KMT2B: variants seen among roughly 807,000 people sequenced by gnomAD.
KMT2B encodes histone-lysine N-methyltransferase 2B.
In KMT2B, 22 loss-of-function variants were observed where a neutral mutation model predicts 255.3. That is an observed-to-expected ratio of 0.09 (90% CI 0.06 to 0.12). The LOEUF (loss-of-function observed/expected upper bound fraction) is 0.12, where lower values mean the gene tolerates loss of function less well. Ranked by LOEUF, KMT2B falls within the 10% of genes least tolerant of loss-of-function variation. The pLI is 1.00. For missense variants in KMT2B, 3,149 were observed against 3,737.0 expected, an observed-to-expected ratio of 0.84 and a Z score of 4.10; for synonymous variants, 1,730 against 1,498.1, an observed-to-expected ratio of 1.15 and a Z score of -3.57.
At chr19:35,728,276 G>C (rs925221323) in intron 19 of KMT2B, 105 bp downstream of exon 19, 10 of 1,015,078 alleles carry the variant, frequency 9.9e-6, no homozygotes, top group Middle Eastern at 3.0e-4. Flanking sequence ...GTAGGGTCTG[G>C]AGCAGAGCTG....
intron 26 of KMT2B, among the ~76,000 whole-genome samples, chr19:35,731,618 C>G (rs1204568043): frequency 6.6e-6 from 1 of 152,090 alleles, no homozygotes; most frequent in African/African-American, 2.4e-5. Flanking sequence ...GTAGGACTGG[C>G]CGTGCTGGAG....
chr19:35,736,644 A>G, intron 30 of KMT2B, 46 bp from the exon 31 acceptor site: 1 of 1,604,388 alleles, frequency 6.2e-7, no homozygotes, highest in South Asian at 1.1e-5. Flanking sequence ...GGGGCTTTTG[A>G]GTCCGGGAAG....
intron 9 of KMT2B, 125 bp from the exon 10 acceptor site, chr19:35,724,864 G>T (rs1333547159): frequency 3.9e-6 from 4 of 1,034,704 alleles, no homozygotes; most frequent in East Asian, 2.7e-5. Context: ...GGCCTTGCCT[G>T]TCTGGAAAGC....
rs761598310 is a variant in KMT2B, at chr19:35,727,687, C to T, written c.4303-11C>T. 1 of 1,613,586 alleles carries T rather than the reference C, an allele frequency of 6.2e-7. No individual in the cohort carries two copies. Among genetic ancestry groups the T allele is most frequent in the Non-Finnish European group, 8.5e-7 (1 of 1,179,880 alleles). ...CCCACCCCCAGCCCTGCTAACTTCCCCGCTTTGCAGTGTGGGCCAGATGGG... is the reference window on the plus strand; with the variant it reads ...CCCACCCCCAGCCCTGCTAACTTCCTCGCTTTGCAGTGTGGGCCAGATGGG... On this transcript the variant is annotated splice_polypyrimidine_tract_variant and intron_variant, in intron 16 of 36. Transcript: ENST00000420124. This position sits in a 1 kb window ranked among gnomAD's most constrained non-coding sequence, Gnocchi z 4.2.
chr19:35,720,364 C>T lies in KMT2B; in HGVS notation c.1017C>T (p.Val339=), dbSNP rs192390858. 2.5e-6 allele frequency: 4 copies of T among 1,602,150 alleles called. No individual in the cohort carries two copies. The highest frequency in any genetic ancestry group is 3.4e-6 in the Non-Finnish European group (4 of 1,174,304). Residue 339 remains valine (V), a synonymous_variant, in exon 3 of 37, where the codon GTC becomes GTT. Coordinates refer to ENST00000420124, the MANE Select transcript of KMT2B (RefSeq NM_014727.3). ...AACATGAGGAAAGTTGGCAGGATGT[C>T]CCCCAAAGAAGAGTTGGATCTGGAC... is the stretch of plus-strand genomic sequence containing the variant. ...QGQHEESWQD[V]PQRRVGSGQG... is the part of the protein sequence containing the mutation.
intron 13 of KMT2B, 111 bp from the exon 14 acceptor site, chr19:35,726,125 G>T (rs1969430408): frequency 1.3e-6 from 1 of 783,068 alleles, no homozygotes; most frequent in Admixed American, 2.0e-5. Context: ...CCTCTTACCT[G>T]TCCCTCCTTG....
chr19:35,719,787 G>A lies in KMT2B; in HGVS notation c.440G>A (p.Arg147Gln), dbSNP rs754616271. The A allele has an allele frequency of 1.9e-6, 3 of 1,586,922 alleles. No homozygotes were observed. Among genetic ancestry groups the A allele is most frequent in the Non-Finnish European group, 2.6e-6 (3 of 1,167,592 alleles). The stretch of plus-strand genomic sequence containing the variant: ...CCCACAACTATTCTCCTTTTAGGTC[G>A]AGCGCCCCGAGGTCGGGGTCGCAAG... ...LRSALRSQRGRAPRGRGRKHK... is the reference protein window; with the variant it reads ...LRSALRSQRGQAPRGRGRKHK... Residue 147 changes from arginine to glutamine, a missense_variant, in exon 3 of 37, where the codon CGA (arginine) becomes CAA (glutamine). Physicochemically the swap from Arg to Gln is conservative, Grantham distance 43. Transcript: ENST00000420124.
At position 35,722,732 on chromosome 19, in the gene KMT2B, C is replaced by T; in HGVS notation, c.2722+14C>T. ...TCGCCACAGAGGGTAGGTGGGGAGA[C>T]TGGACAGCCATGTCAGGTTTGGGGA... On this transcript the variant is annotated intron_variant, in intron 5 of 36. Transcript: ENST00000420124. 6.3e-7 allele frequency: 1 copy of T among 1,576,124 alleles called. No homozygotes were observed. Among genetic ancestry groups the T allele is most frequent in the Non-Finnish European group, 8.6e-7 (1 of 1,161,234 alleles).
rs538294880 is a variant in KMT2B, at chr19:35,726,343, A to G, written c.3993A>G (p.Leu1331=). 8 of 1,610,610 alleles carry G rather than the reference A, an allele frequency of 5.0e-6. No individual in the cohort carries two copies. The highest frequency in any genetic ancestry group is 3.3e-5 in the South Asian group (3 of 91,048). Reference sequence around the variant, plus strand: ...GCCTCTGCCCCAGGTGCACCCAGCTATATGAGAAAGGTGGGGACCGGGCAG... The same window carrying G: ...GCCTCTGCCCCAGGTGCACCCAGCTGTATGAGAAAGGTGGGGACCGGGCAG... ...DYSLCPRCTQ[L]YEKGNYCPIC... Residue 1331 remains leucine, a synonymous_variant, in exon 14 of 37, where the codon CTA becomes CTG. Transcript: ENST00000420124.
intron 2 of KMT2B, 34 bp downstream of exon 2, chr19:35,719,575 C>T: frequency 1.9e-6 from 3 of 1,565,968 alleles, no homozygotes; most frequent in Non-Finnish European, 1.7e-6. Flanking sequence ...TCTTTAGCGT[C>T]ACAGGAATTT....
chr19:35,733,007 C>A lies in KMT2B; in HGVS notation c.6458C>A (p.Thr2153Asn). The change falls in exon 28 of 37, where the codon ACC (threonine) becomes AAC (asparagine). Residue 2153 changes from threonine to asparagine, a missense_variant. By Grantham distance (65) the Thr-to-Asn change is moderately conservative. Around this residue, in one of 18 missense-constraint regions of KMT2B, gnomAD observed 897 missense variants for 825.3 expected, o/e 1.09. Transcript: ENST00000420124. This position sits in a 1 kb window ranked among gnomAD's most constrained non-coding sequence, Gnocchi z 4.3. ...ANGSQPSQGL[T>N]ASPADPTRTF... The stretch of plus-strand genomic sequence containing the variant: ...GGCAGCCAGCCCTCCCAAGGCCTGA[C>A]CGCCAGCCCAGCTGACCCCACCCGC... 1 of 1,596,878 alleles carries A rather than the reference C, an allele frequency of 6.3e-7. No individual in the cohort carries two copies. Among genetic ancestry groups the A allele is most frequent in the Non-Finnish European group, 8.5e-7 (1 of 1,172,342 alleles).
intron 19 of KMT2B, among the ~76,000 whole-genome samples, 154 bp from the exon 20 acceptor site, chr19:35,728,620 G>C (rs907286507): frequency 6.6e-6 from 1 of 152,172 alleles, no homozygotes; most frequent in Admixed American, 6.5e-5. Context: ...GTCCAAGCTG[G>C]CACAAGAGGG....
At chr19:35,731,420 T>C (rs1364014065) in intron 26 of KMT2B, among the ~76,000 whole-genome samples, 1 of 152,054 alleles carries the variant, frequency 6.6e-6, no homozygotes, top group East Asian at 1.9e-4. Context: ...TTATTCCAGG[T>C]TGGAGCATGA....
rs1363353799 is a variant in KMT2B at position 35,736,561 on chromosome 19, A to G, written c.7160-129A>G. On this transcript the variant is annotated intron_variant, in intron 30 of 36. Coordinates refer to ENST00000420124, the MANE Select transcript of KMT2B (RefSeq NM_014727.3). ...GGGTAACTGGAGCAGAAGGAGGGCCATTAGACCCTAGTATCTGTGTCTGCG... is the reference window on the plus strand; with the variant it reads ...GGGTAACTGGAGCAGAAGGAGGGCCGTTAGACCCTAGTATCTGTGTCTGCG... The G allele has an allele frequency of 2.7e-5, 30 of 1,105,538 alleles. No homozygotes were observed. The East Asian group carries it at 6.5e-4, about 24-fold the overall frequency. 68.5% of individuals were successfully genotyped at this position (1,105,538 alleles called of 1,614,324 possible). A position where few individuals can be genotyped will look rare whatever the true frequency, so the allele number is the denominator to read the frequency against.
intron 8 of KMT2B, 47 bp from the exon 9 acceptor site, chr19:35,724,590 G>A (rs1225867094): frequency 5.5e-6 from 8 of 1,455,426 alleles, no homozygotes; most frequent in African/African-American, 4.2e-5. Flanking sequence ...TAGAAGAAGA[G>A]GGGCGTGGAA....
At chr19:35,734,913 G>A (rs1176010177) in intron 30 of KMT2B, among the ~76,000 whole-genome samples, 1 of 152,204 alleles carries the variant, frequency 6.6e-6, no homozygotes, top group Non-Finnish European at 1.5e-5. Context: ...TTAACTCAGA[G>A]GCTGCTTATG....
chr19:35,725,654 G>GT lies in KMT2B; in HGVS notation c.3789+30dup. On this transcript the variant is annotated intron_variant, in intron 12 of 36. Coordinates refer to ENST00000420124, the MANE Select transcript of KMT2B (RefSeq NM_014727.3). The surrounding 1 kb of genome is among the most constrained non-coding windows in gnomAD (Gnocchi z 4.1). ...TGGGCCCAAGGGCTGGCCAGGGTGG[G>GT]TGGAGGCCTGAAGGTGAGGGCATCC... is the stretch of plus-strand genomic sequence containing the variant. The GT allele has an allele frequency of 6.2e-7, 1 of 1,612,540 alleles. No homozygotes were observed. Among genetic ancestry groups the GT allele is most frequent in the Middle Eastern group, 1.6e-4 (1 of 6,062 alleles).
At chr19:35,730,664 T>A (rs1969655520) in intron 25 of KMT2B, 43 bp from the exon 26 acceptor site, 1 of 1,613,842 alleles carries the variant, frequency 6.2e-7, no homozygotes, top group East Asian at 2.2e-5. Flanking sequence ...CATAGCTGGA[T>A]CCCATTTCCC....
chr19:35,721,012 A>G lies in KMT2B; in HGVS notation c.1665A>G (p.Pro555=), dbSNP rs755894161. The G allele has an allele frequency of 6.5e-7, 1 of 1,541,228 alleles. No homozygotes were observed. Among genetic ancestry groups the G allele is most frequent in the South Asian group, 1.1e-5 (1 of 88,046 alleles). Residue 555 remains proline, a synonymous_variant, in exon 3 of 37, where the codon CCA becomes CCG. Transcript: ENST00000420124. Reference sequence around the variant, plus strand: ...TGGATGAAGACCCCCCCAAACCCCCAAAGGTGGAGGTCTCACCTGTCCTGC... The same window carrying G: ...TGGATGAAGACCCCCCCAAACCCCCGAAGGTGGAGGTCTCACCTGTCCTGC... ...RFMDEDPPKP[P]KVEVSPVLRP... is the part of the protein sequence containing the mutation.
Sources: allele counts gnomAD v4.1 joint callset (sites outside exome capture counted in the v4.1 genomes callset), GRCh38; gene constraint gnomAD v4.1.1; regional missense constraint gnomAD v4.1.1; non-coding constraint Gnocchi (gnomAD v3.1); transcripts MANE v1.5; gene names NCBI Gene and HGNC (gene_info 2026-07-23, HGNC 2026-07-21).